Variants in PXDNL observed in about 807,000 individuals in gnomAD.
PXDNL encodes probable oxidoreductase PXDNL.
PXDNL carries 145 observed loss-of-function variants against 150.8 expected under a neutral mutation model. The ratio of observed to expected loss-of-function variants is 0.96; its 90% CI spans 0.84 to 1.10. PXDNL has a LOEUF of 1.10. PXDNL is among the 50% of genes least tolerant of loss of function. PXDNL has a pLI of 0.00. For synonymous variants in PXDNL, 757 were observed against 725.7 expected, an observed-to-expected ratio of 1.04 and a Z score of -0.69; for missense variants, 2,087 against 1,873.9, an observed-to-expected ratio of 1.11 and a Z score of -2.10.
Position 51,642,172 on chromosome 8 carries a change from C to T in PXDNL, c.236+12517G>A, listed in dbSNP as rs187335742. 2.9e-3 allele frequency among the ~76,000 whole-genome samples: 413 copies of T among 144,562 alleles called. 3 individuals are homozygous for T. Among genetic ancestry groups the T allele is most frequent in the Admixed American group, 0.023 (297 of 13,056 alleles). The allele number at this position is 144,562 out of a possible 152,430, so 94.8% of individuals were successfully genotyped here. On this transcript the variant is annotated intron_variant, in intron 2 of 22. Transcript: ENST00000356297. ...ATTGAACAATGAGAACACATGGACA[C>T]AGGAAGGGGAACATCATACTCTGGG...
chr8:51,624,289 C>T (rs936751172), intron 2 of PXDNL, among the ~76,000 whole-genome samples: 1 of 152,002 alleles, frequency 6.6e-6, no homozygotes, highest in Non-Finnish European at 1.5e-5. Context: ...CCAGACCAGG[C>T]CTTGCCAGGA....
At chr8:51,743,956 G>T (rs368885609) in intron 1 of PXDNL, among the ~76,000 whole-genome samples, 1 of 11,842 alleles carries the variant, frequency 8.4e-5, no homozygotes, top group East Asian at 5.1e-3. Context: ...AAGAGAGAAA[G>T]AAAAAAGAGA....
intron 2 of PXDNL, among the ~76,000 whole-genome samples, chr8:51,643,463 A>C (rs2130782467): frequency 6.6e-6 from 1 of 152,328 alleles, no homozygotes; most frequent in African/African-American, 2.4e-5. Context: ...TATTTAATAA[A>C]TGGTGTTGGG....
chr8:51,680,694 C>T (rs576358781), intron 1 of PXDNL, among the ~76,000 whole-genome samples: 3 of 152,268 alleles, frequency 2.0e-5, no homozygotes, highest in African/African-American at 4.8e-5. Context: ...GCCCTGCAGC[C>T]GGGTGGCCAG....
chr8:51,331,932 T>A (rs1035606242), intron 21 of PXDNL, among the ~76,000 whole-genome samples: 14 of 151,276 alleles, frequency 9.3e-5, no homozygotes, highest in Admixed American at 7.9e-4. Flanking sequence ...AAAGGACATA[T>A]AATCTTGGTA....
Position 51,565,567 on chromosome 8 carries a change from A to G in PXDNL, c.309-8656T>C, listed in dbSNP as rs758274647. Among the ~76,000 whole-genome samples, 7 of 151,798 alleles carry G rather than the reference A, an allele frequency of 4.6e-5. 1 individual carries two copies. The highest frequency in any genetic ancestry group is 1.0e-4 in the Non-Finnish European group (7 of 67,870). Reference sequence around the variant, plus strand: ...TACTTATGTGTGAATAAGTATAAAAAAAAGATTCCAAGTCAGGAATGAGAG... The same window carrying G: ...TACTTATGTGTGAATAAGTATAAAAGAAAGATTCCAAGTCAGGAATGAGAG... On this transcript the variant is annotated intron_variant, in intron 3 of 22. Transcript: ENST00000356297.
intron 19 of PXDNL, among the ~76,000 whole-genome samples, chr8:51,364,152 C>A (rs1344381300): frequency 1.3e-5 from 2 of 152,196 alleles, no homozygotes; most frequent in Non-Finnish European, 2.9e-5. Context: ...AGCCTTAATG[C>A]ACTATGTCAA....
intron 2 of PXDNL, among the ~76,000 whole-genome samples, chr8:51,617,149 CGCCAATTT>C (rs1328481218): frequency 1.3e-5 from 2 of 152,148 alleles, no homozygotes; most frequent in Non-Finnish European, 2.9e-5. Flanking sequence ...AAACACAATT[CGCCAATTT>C]GTCAGTTTGG....
At chr8:51,477,155 T>A (rs1257646255) in intron 6 of PXDNL, among the ~76,000 whole-genome samples, 1 of 152,232 alleles carries the variant, frequency 6.6e-6, no homozygotes, top group Non-Finnish European at 1.5e-5. Flanking sequence ...TTTTATTATC[T>A]GACAGTTTTG....
chr8:51,554,164 T>A (rs1221254397), intron 4 of PXDNL, among the ~76,000 whole-genome samples: 2 of 152,204 alleles, frequency 1.3e-5, no homozygotes, highest in Non-Finnish European at 2.9e-5. Context: ...GCTTACCACT[T>A]GCATTCCTCA....
At chr8:51,534,136 G>A (rs1489001052) in intron 4 of PXDNL, among the ~76,000 whole-genome samples, 4 of 140,530 alleles carry the variant, frequency 2.8e-5, no homozygotes, top group Admixed American at 6.8e-5. Flanking sequence ...CTGCCCCGCC[G>A]CCCTGTCTGG....
chr8:51,536,685 T>C (rs1812086047), intron 4 of PXDNL, among the ~76,000 whole-genome samples: 1 of 151,996 alleles, frequency 6.6e-6, no homozygotes, highest in Non-Finnish European at 1.5e-5. Context: ...TTCTTCGTAA[T>C]ATATCACAAA....
intron 5 of PXDNL, among the ~76,000 whole-genome samples, chr8:51,495,786 T>C (rs1811031946): frequency 6.6e-6 from 1 of 152,064 alleles, no homozygotes; most frequent in African/African-American, 2.4e-5. Flanking sequence ...AGGCAATAAT[T>C]AATAGCTTAC....
intron 4 of PXDNL, among the ~76,000 whole-genome samples, chr8:51,541,565 G>A (rs1032167989): frequency 1.3e-5 from 2 of 152,100 alleles, no homozygotes; most frequent in African/African-American, 2.4e-5. Flanking sequence ...CCTCCGACAC[G>A]TGCAGATCAT....
intron 19 of PXDNL, among the ~76,000 whole-genome samples, chr8:51,367,492 T>C (rs990893417): frequency 6.6e-6 from 1 of 152,240 alleles, no homozygotes; most frequent in South Asian, 2.1e-4. Flanking sequence ...CATGTTTATC[T>C]TTTTAGAAAT....
chr8:51,581,462 C>G (rs554509930), intron 3 of PXDNL, among the ~76,000 whole-genome samples: 54 of 150,892 alleles, frequency 3.6e-4, no homozygotes, highest in Middle Eastern at 3.4e-3. Flanking sequence ...CCACTGCACT[C>G]CAGCCTAGAT....
intron 18 of PXDNL, among the ~76,000 whole-genome samples, chr8:51,374,260 T>C (rs112149589): frequency 1.9e-4 from 29 of 152,306 alleles, no homozygotes; most frequent in African/African-American, 6.7e-4. Flanking sequence ...ATGAGGAACC[T>C]GGTTCTGAGT....
intron 17 of PXDNL, among the ~76,000 whole-genome samples, chr8:51,387,385 T>C (rs932897995): frequency 1.3e-5 from 2 of 152,194 alleles, no homozygotes; most frequent in African/African-American, 2.4e-5. Context: ...GGTCTCATTT[T>C]GTATGCCAGG....
intron 2 of PXDNL, among the ~76,000 whole-genome samples, chr8:51,593,069 A>G (rs1813479747): frequency 6.6e-6 from 1 of 152,194 alleles, no homozygotes; most frequent in Non-Finnish European, 1.5e-5. Flanking sequence ...CTCAGGCTTA[A>G]GCATCTTCCT....
Sources: gnomAD v4.1 joint callset for allele counts (sites outside exome capture counted in the v4.1 genomes callset) on GRCh38, gnomAD v4.1.1 for gene constraint, MANE v1.5 for transcripts, NCBI Gene and HGNC (gene_info 2026-07-23, HGNC 2026-07-21) for gene names.